The following ANO1 variants were observed in gnomAD, a reference collection of about 807,000 sequenced individuals.
The protein encoded by ANO1 is anoctamin 1.
ANO1 carries 59 observed loss-of-function variants against 124.0 expected under a neutral mutation model. The observed-to-expected ratio is 0.48, with a 90% CI of 0.39 to 0.59. The LOEUF (loss-of-function observed/expected upper bound fraction) is 0.59, where lower values mean the gene tolerates loss of function less well. Ranked by LOEUF, ANO1 falls within the 20% of genes least tolerant of loss-of-function variation. The pLI, the probability that ANO1 is intolerant of heterozygous loss-of-function variation, is 0.00. For missense variants in ANO1, 1,059 were observed against 1,328.0 expected (o/e 0.80, Z 3.15); for synonymous variants, 529 against 532.0 (o/e 0.99, Z 0.08).
At chr11:70,121,484 C>G (rs2046267251) in intron 8 of ANO1, among the ~76,000 whole-genome samples, 1 of 149,330 alleles carries the variant, frequency 6.7e-6, no homozygotes, top group African/African-American at 2.5e-5. Flanking sequence ...CTCTCCATCT[C>G]CCCCACCTCT....
At position 70,180,004 on chromosome 11, in the gene ANO1, G is replaced by C. The variant is rs1287457803; in HGVS notation, c.2351G>C (p.Gly784Ala). 1.9e-6 allele frequency: 3 copies of C among 1,612,458 alleles called. No individual in the cohort carries two copies. The highest frequency in any genetic ancestry group is 2.7e-5 in the African/African-American group (2 of 74,896). Reference sequence around the variant, plus strand: ...AAACTGTGACTTCTTCTTCCCCCAGGAATCTGGTACAATATCCTCAGAGGC... The same window carrying C: ...AAACTGTGACTTCTTCTTCCCCCAGCAATCTGGTACAATATCCTCAGAGGC... ...RPVAVRAKDI[G>A]IWYNILRGIG... Residue 784 changes from glycine (G) to alanine (A), a missense_variant and splice_region_variant, in exon 23 of 26, where the codon GGA becomes GCA. Gly to Ala is a moderately conservative substitution (Grantham distance 60). Around this residue, in one of 2 missense-constraint regions of ANO1, gnomAD observed 809 missense variants for 1,094.9 expected, o/e 0.74. Coordinates refer to ENST00000355303, the MANE Select transcript of ANO1 (RefSeq NM_018043.7).
At chr11:69,978,123 C>T in the ANO1 span, among the ~76,000 whole-genome samples, 3 of 152,258 alleles carry the variant, frequency 2.0e-5, no homozygotes, top group African/African-American at 4.8e-5. Flanking sequence ...TGGGGACAAA[C>T]GCTGCTCCCT....
intron 11 of ANO1, among the ~76,000 whole-genome samples, chr11:70,145,962 A>AAAAG (rs1565247212): frequency 4.4e-4 from 58 of 132,040 alleles, no homozygotes; most frequent in Middle Eastern, 3.6e-3. Context: ...AAAAAAAAAA[A>AAAAG]AAAGAAAGAA....
At chr11:70,061,845 G>A (rs1857586860) in intron 1 of ANO1, among the ~76,000 whole-genome samples, 1 of 152,064 alleles carries the variant, frequency 6.6e-6, no homozygotes, top group African/African-American at 2.4e-5. Context: ...TCTGATCTTA[G>A]GGTCAACCAA....
At chr11:70,057,392 T>A (rs1045138492) in intron 1 of ANO1, among the ~76,000 whole-genome samples, 1 of 151,978 alleles carries the variant, frequency 6.6e-6, no homozygotes, top group Non-Finnish European at 1.5e-5. Flanking sequence ...CCTGGAGAGT[T>A]TACTAGGACT....
the ANO1 span, among the ~76,000 whole-genome samples, chr11:69,971,776 G>A: frequency 6.6e-6 from 1 of 152,064 alleles, no homozygotes; most frequent in Admixed American, 6.6e-5. Context: ...CACCCAGTAG[G>A]GGTGTCCTCC....
intron 5 of ANO1, 55 bp from the exon 6 acceptor site, chr11:70,108,298 G>A: frequency 1.3e-6 from 2 of 1,560,648 alleles, no homozygotes; most frequent in Non-Finnish European, 8.8e-7. Flanking sequence ...GACTGTTTCT[G>A]CTCGTGGAAG....
At chr11:70,058,022 G>A (rs1555007168) in intron 1 of ANO1, among the ~76,000 whole-genome samples, 1 of 152,182 alleles carries the variant, frequency 6.6e-6, no homozygotes, top group East Asian at 1.9e-4. Flanking sequence ...AATTAGAGTG[G>A]GAGAGATTAA....
intron 11 of ANO1, among the ~76,000 whole-genome samples, chr11:70,140,917 G>A (rs2135570339): frequency 6.6e-6 from 1 of 152,222 alleles, no homozygotes; most frequent in South Asian, 2.1e-4. Context: ...AATACAGCCC[G>A]GCAAGCCCCG....
chr11:70,092,514 C>T (rs1365615334), intron 2 of ANO1, among the ~76,000 whole-genome samples: 2 of 152,170 alleles, frequency 1.3e-5, no homozygotes, highest in Non-Finnish European at 2.9e-5. Context: ...CCTGGTCTGC[C>T]TTGCTGCAGG....
At chr11:70,007,711 G>A (rs1555000322) in intron 1 of ANO1, among the ~76,000 whole-genome samples, 1 of 152,156 alleles carries the variant, frequency 6.6e-6, no homozygotes. Flanking sequence ...ACGCTGCAAC[G>A]AACCTAGGTG....
At chr11:70,103,289 C>A in intron 3 of ANO1, 125 bp downstream of exon 3, 2 of 731,680 alleles carry the variant, frequency 2.7e-6, no homozygotes, top group Admixed American at 2.9e-5. Flanking sequence ...GTGGGCTTCA[C>A]GGCTACCCCT....
intron 12 of ANO1, among the ~76,000 whole-genome samples, chr11:70,150,854 T>TA (rs1013959524): frequency 4.6e-5 from 7 of 152,216 alleles, no homozygotes; most frequent in East Asian, 3.8e-4. Context: ...CTTTTTTCTT[T>TA]AAAAAAAATT....
intron 7 of ANO1, among the ~76,000 whole-genome samples, chr11:70,115,037 C>T (rs970300056): frequency 2.0e-5 from 3 of 152,232 alleles, no homozygotes; most frequent in East Asian, 1.9e-4. Context: ...CTGCTGGGAT[C>T]GCGTGGCTGT....
chr11:70,128,657 C>G (rs1000345399), intron 10 of ANO1, among the ~76,000 whole-genome samples: 1 of 152,232 alleles, frequency 6.6e-6, no homozygotes, highest in Non-Finnish European at 1.5e-5. Flanking sequence ...CTGCAGCTTC[C>G]GCCCCATCCC....
At chr11:70,183,411 T>C (rs541479313) in intron 24 of ANO1, among the ~76,000 whole-genome samples, 8 of 152,308 alleles carry the variant, frequency 5.3e-5, no homozygotes, top group African/African-American at 1.4e-4. Flanking sequence ...TGCCCCATCT[T>C]GGGTCAGATG....
At chr11:70,054,430 G>T (rs897882631) in intron 1 of ANO1, among the ~76,000 whole-genome samples, 25 of 152,216 alleles carry the variant, frequency 1.6e-4, no homozygotes, top group Admixed American at 5.9e-4. Context: ...ACGGTGCCAG[G>T]GTAGTGAAAG....
At chr11:69,990,288 A>G (rs1185600313) in intron 1 of ANO1, among the ~76,000 whole-genome samples, 1 of 152,190 alleles carries the variant, frequency 6.6e-6, no homozygotes, top group Non-Finnish European at 1.5e-5. Flanking sequence ...TTCACTTGGT[A>G]TGTTTTTAAG....
intron 1 of ANO1, among the ~76,000 whole-genome samples, chr11:70,042,666 G>A (rs1471507712): frequency 6.6e-6 from 1 of 152,160 alleles, no homozygotes. Context: ...ACCACCAGAA[G>A]ATAGTAGATT....
Sources: allele counts gnomAD v4.1 joint callset (sites outside exome capture counted in the v4.1 genomes callset), GRCh38; gene constraint gnomAD v4.1.1; regional missense constraint gnomAD v4.1.1; transcripts MANE v1.5; gene names NCBI Gene and HGNC (gene_info 2026-07-23, HGNC 2026-07-21).